The following KPNA5 variants were observed in gnomAD, a reference collection of about 807,000 sequenced individuals.
KPNA5 encodes karyopherin subunit alpha 5, also known as importin subunit alpha-6.
A neutral mutation model predicts 71.3 loss-of-function variants in KPNA5; 46 were observed. The observed-to-expected ratio is 0.65, with a 90% CI of 0.51 to 0.83. KPNA5 has a LOEUF of 0.83. Ranked by LOEUF, KPNA5 falls within the 40% of genes least tolerant of loss-of-function variation. The pLI is 0.00. For missense variants in KPNA5, 547 were observed against 628.3 expected, an observed-to-expected ratio of 0.87 and a Z score of 1.38; for synonymous variants, 207 against 201.4, an observed-to-expected ratio of 1.03 and a Z score of -0.24.
chr6:116,683,534 C>G (rs1288498267), intron 1 of KPNA5, among the ~76,000 whole-genome samples: 1 of 152,042 alleles, frequency 6.6e-6, no homozygotes, highest in Admixed American at 6.6e-5. Context: ...GAGAATAATA[C>G]CAAACATTGT....
intron 1 of KPNA5, 130 bp downstream of exon 1, chr6:116,681,468 C>T: frequency 5.0e-6 from 7 of 1,398,812 alleles, no homozygotes; most frequent in Non-Finnish European, 5.6e-6. Flanking sequence ...CTGGCGGTGC[C>T]GGGTGTTTCT....
chr6:116,713,706 T>G (rs982268123), intron 7 of KPNA5, among the ~76,000 whole-genome samples: 1 of 152,336 alleles, frequency 6.6e-6, no homozygotes, highest in Admixed American at 6.5e-5. Context: ...TTTCTTAGAC[T>G]GTGTTCATTT....
At chr6:116,703,470 C>A (rs952311634) in intron 6 of KPNA5, among the ~76,000 whole-genome samples, 1 of 152,034 alleles carries the variant, frequency 6.6e-6, no homozygotes, top group African/African-American at 2.4e-5. Flanking sequence ...ACCATGTTGG[C>A]CAGGCTGGTT....
intron 11 of KPNA5, among the ~76,000 whole-genome samples, 193 bp downstream of exon 11, chr6:116,726,069 T>C (rs1261202616): frequency 6.6e-6 from 1 of 152,068 alleles, no homozygotes; most frequent in Non-Finnish European, 1.5e-5. Flanking sequence ...CAAGTGTGTG[T>C]GTGTGTGTGT....
chr6:116,686,420 G>T (rs1777591105), intron 1 of KPNA5, among the ~76,000 whole-genome samples: 1 of 151,964 alleles, frequency 6.6e-6, no homozygotes, highest in South Asian at 2.1e-4. Context: ...TTGTAAATTT[G>T]TTTAAGTTTC....
rs143720380 is a variant in KPNA5 at position 116,688,845 on chromosome 6, T to C, written c.5-475T>C. On this transcript the variant is annotated intron_variant, in intron 1 of 13. Transcript: ENST00000368564. The stretch of plus-strand genomic sequence containing the variant: ...GTAAGTGAAAGAAGCCAGACCCCAA[T>C]AAATATTTGAGATGTGCTTACTGGA... Among the ~76,000 whole-genome samples, 79 of 152,240 alleles carry C rather than the reference T, an allele frequency of 5.2e-4. No individual in the cohort carries two copies. In the East Asian group the frequency reaches 0.012, roughly 23 times the overall value.
Position 116,736,671 on chromosome 6 carries a change from TA to T in KPNA5, c.*4349del. The T allele has an allele frequency of 6.6e-6, 1 of 151,972 alleles. No homozygotes were observed. Among genetic ancestry groups the T allele is most frequent in the Non-Finnish European group, 1.5e-5 (1 of 67,924 alleles). 9.4% of individuals were successfully genotyped at this position (151,972 alleles called of 1,614,324 possible). On this transcript the variant is annotated 3_prime_UTR_variant, in exon 14 of 14. Transcript: ENST00000368564. ...TCATCAAATTTGAAAACACAGCAAT[TA>T]TTTAAACATTTTTTCATTTCCAATT...
chr6:116,731,338 T>C lies in KPNA5; in HGVS notation c.1433-798T>C, dbSNP rs1248520812. Among the ~76,000 whole-genome samples the C allele has an allele frequency of 2.0e-5, 3 of 152,304 alleles. No individual in the cohort carries two copies. In the East Asian group the frequency reaches 5.8e-4, roughly 29 times the overall value. On this transcript the variant is annotated intron_variant, in intron 13 of 13. Transcript: ENST00000368564. ...TACATGAATACAAGATATTAGTCACTGATTTAAGAATATTGTCTTACTACA... is the reference window on the plus strand; with the variant it reads ...TACATGAATACAAGATATTAGTCACCGATTTAAGAATATTGTCTTACTACA...
intron 1 of KPNA5, among the ~76,000 whole-genome samples, chr6:116,688,199 C>T (rs767339277): frequency 3.9e-5 from 6 of 152,148 alleles, no homozygotes; most frequent in Non-Finnish European, 8.8e-5. Flanking sequence ...ATCTTCACTG[C>T]TCTCTCAAGA....
In KPNA5 at chr6:116,741,781, G is replaced by C. The variant is rs1562464093; in HGVS notation, c.*9458G>C. The stretch of plus-strand genomic sequence containing the variant: ...GTTAAGGAAATGATTTAACTGAAGG[G>C]AAGCAAGATTTTTTTAAAGCATTGT... On this transcript the variant is annotated 3_prime_UTR_variant, in exon 14 of 14. Coordinates refer to ENST00000368564, the MANE Select transcript of KPNA5 (RefSeq NM_001366306.2). The C allele has an allele frequency of 6.6e-6, 1 of 152,184 alleles. No homozygotes were observed. Among genetic ancestry groups the C allele is most frequent in the East Asian group, 1.9e-4 (1 of 5,196 alleles). The allele number at this position is 152,184 out of a possible 1,614,324, so 9.4% of individuals were successfully genotyped here.
At chr6:116,726,365 TA>T in intron 11 of KPNA5, 129 bp from the exon 12 acceptor site, 1 of 717,970 alleles carries the variant, frequency 1.4e-6, no homozygotes, top group Non-Finnish European at 2.2e-6. Context: ...GAATAGAAAT[TA>T]AAAATTTATT....
rs1317129417 is a variant in KPNA5, at chr6:116,689,386, C to T, written c.71C>T (p.Pro24Leu). Residue 24 changes from proline (P) to leucine (L), a missense_variant, in exon 2 of 14, where the codon CCT becomes CTT. Pro to Leu is a moderately conservative substitution (Grantham distance 98). Coordinates refer to ENST00000368564, the MANE Select transcript of KPNA5 (RefSeq NM_001366306.2). ...MKSYKNKALNPQEMRRRREEE... is the reference protein window; with the variant it reads ...MKSYKNKALNLQEMRRRREEE... ...AGTTATAAGAATAAAGCCCTAAATC[C>T]TCAAGAGATGCGTAGACGAAGAGAA... 6.2e-7 allele frequency: 1 copy of T among 1,609,530 alleles called. No individual in the cohort carries two copies. The highest frequency in any genetic ancestry group is 8.5e-7 in the Non-Finnish European group (1 of 1,178,162).
intron 2 of KPNA5, among the ~76,000 whole-genome samples, chr6:116,690,426 G>A (rs1369503564): frequency 2.6e-5 from 4 of 152,028 alleles, no homozygotes; most frequent in African/African-American, 7.2e-5. Flanking sequence ...AGGCTGAGGC[G>A]GGCGGATCAC....
rs1779643094 is a variant in KPNA5, at chr6:116,735,580, A to G, written c.*3257A>G. On this transcript the variant is annotated 3_prime_UTR_variant, in exon 14 of 14. Transcript: ENST00000368564. Reference sequence around the variant, plus strand: ...CTAAATAAACCAACTTTTGAGTAGTATGCAATATTATGAAATGTTACAACA... The same window carrying G: ...CTAAATAAACCAACTTTTGAGTAGTGTGCAATATTATGAAATGTTACAACA... The G allele has an allele frequency of 6.6e-6, 1 of 151,706 alleles. No homozygotes were observed. The allele number at this position is 151,706 out of a possible 1,614,324, so 9.4% of individuals were successfully genotyped here. A position where few individuals can be genotyped will look rare whatever the true frequency, so the allele number is the denominator to read the frequency against.
At chr6:116,702,189 C>A in intron 6 of KPNA5, 39 bp downstream of exon 6, 1 of 1,583,544 alleles carries the variant, frequency 6.3e-7, no homozygotes, top group South Asian at 1.2e-5. Flanking sequence ...TACTAGAATT[C>A]AGTTTTCTCT....
chr6:116,731,152 G>C (rs1307438134), intron 13 of KPNA5, among the ~76,000 whole-genome samples: 1 of 152,072 alleles, frequency 6.6e-6, no homozygotes, highest in Non-Finnish European at 1.5e-5. Flanking sequence ...GATAAGGCAT[G>C]AATCTAAATT....
At chr6:116,721,607 G>A (rs1283002730) in intron 8 of KPNA5, among the ~76,000 whole-genome samples, 3 of 152,104 alleles carry the variant, frequency 2.0e-5, no homozygotes, top group African/African-American at 4.8e-5. Context: ...ACTGTTCTTA[G>A]GTGCTACATG....
At position 116,734,869 on chromosome 6, in the gene KPNA5, T is replaced by C. The variant is rs572241747; in HGVS notation, c.*2546T>C. 5 of 151,810 alleles carry C rather than the reference T, an allele frequency of 3.3e-5. No homozygotes were observed. The highest frequency in any genetic ancestry group is 3.3e-4 in the Admixed American group (5 of 15,192). The allele number at this position is 151,810 out of a possible 1,614,324, so 9.4% of individuals were successfully genotyped here. A position where few individuals can be genotyped will look rare whatever the true frequency, so the allele number is the denominator to read the frequency against. ...TTATATTTAAATCCAAGAGAAACTA[T>C]GCCGAAAAAAAGTGTTATAAAGAGG... On this transcript the variant is annotated 3_prime_UTR_variant, in exon 14 of 14. Coordinates refer to ENST00000368564, the MANE Select transcript of KPNA5 (RefSeq NM_001366306.2).
intron 5 of KPNA5, among the ~76,000 whole-genome samples, chr6:116,700,879 A>G (rs898916949): frequency 1.3e-5 from 2 of 152,096 alleles, no homozygotes; most frequent in Admixed American, 1.3e-4. Context: ...TTAAAATTGT[A>G]GCCACACACT....
Sources: gnomAD v4.1 joint callset for allele counts (sites outside exome capture counted in the v4.1 genomes callset) on GRCh38, gnomAD v4.1.1 for gene constraint, MANE v1.5 for transcripts, NCBI Gene and HGNC (gene_info 2026-07-23, HGNC 2026-07-21) for gene names.